Variants in SMAD3 observed in about 807,000 individuals in gnomAD.
SMAD3 encodes SMAD family member 3.
Under a neutral mutation model 51.8 loss-of-function variants are expected in SMAD3, and 12 were observed. The observed-to-expected ratio is 0.23, with a 90% CI of 0.15 to 0.38. The LOEUF (loss-of-function observed/expected upper bound fraction) is 0.38, where lower values mean the gene tolerates loss of function less well. Among genes scored for constraint, SMAD3 ranks in the 10% least tolerant of loss-of-function variants. The pLI is 1.00. For synonymous variants in SMAD3, 238 were observed against 227.7 expected, an observed-to-expected ratio of 1.05 and a Z score of -0.41; for missense variants, 294 against 565.6, an observed-to-expected ratio of 0.52 and a Z score of 4.87.
intron 1 of SMAD3, among the ~76,000 whole-genome samples, chr15:67,157,464 A>T (rs1962314175): frequency 6.6e-6 from 1 of 152,192 alleles, no homozygotes; most frequent in Admixed American, 6.5e-5. Flanking sequence ...GACCTTGGGC[A>T]AGCCTCCTGA....
At chr15:67,144,434 G>A (rs1006750202) in intron 1 of SMAD3, among the ~76,000 whole-genome samples, 1 of 152,092 alleles carries the variant, frequency 6.6e-6, no homozygotes, top group Admixed American at 6.5e-5. Context: ...TCCTGAAGTA[G>A]TATTTTGTTT....
intron 1 of SMAD3, among the ~76,000 whole-genome samples, chr15:67,118,541 T>C (rs979946895): frequency 6.6e-6 from 1 of 152,014 alleles, no homozygotes; most frequent in Admixed American, 6.6e-5. Context: ...TGAGGGGAGA[T>C]GTAAAGAGAT....
At chr15:67,182,997 AAAAATATATATATATAT>A (rs1438438091) in intron 6 of SMAD3, among the ~76,000 whole-genome samples, 3 of 57,202 alleles carry the variant, frequency 5.2e-5, no homozygotes, top group African/African-American at 2.4e-4. Flanking sequence ...AAAAAAAAAA[AAAAATATATATATATAT>A]ATATATATAT....
chr15:67,127,750 C>T (rs756478100), intron 1 of SMAD3, among the ~76,000 whole-genome samples: 3 of 152,114 alleles, frequency 2.0e-5, no homozygotes, highest in Non-Finnish European at 4.4e-5. Context: ...TCCTACTGTA[C>T]ACGCTTATGG....
At chr15:67,188,498 A>G (rs1417340665) in intron 8 of SMAD3, among the ~76,000 whole-genome samples, 1 of 151,876 alleles carries the variant, frequency 6.6e-6, no homozygotes, top group East Asian at 1.9e-4. Flanking sequence ...GCTTGGTTGA[A>G]TCTCTCAGGC....
At chr15:67,166,438 G>T in intron 3 of SMAD3, 1 of 444,628 alleles carries the variant, frequency 2.2e-6, no homozygotes, top group Non-Finnish European at 4.2e-6. Flanking sequence ...GGGGTGAGGC[G>T]GAGGCAAGTC....
intron 1 of SMAD3, among the ~76,000 whole-genome samples, chr15:67,142,199 A>AC (rs549870512): frequency 0.015 from 1,975 of 127,944 alleles, 43 homozygotes; most frequent in East Asian, 0.057. Flanking sequence ...TCCTCCCCAC[A>AC]CCCCCCCCAC....
At chr15:67,157,014 A>G (rs1595935640) in intron 1 of SMAD3, among the ~76,000 whole-genome samples, 1 of 152,274 alleles carries the variant, frequency 6.6e-6, no homozygotes, top group Admixed American at 6.5e-5. Flanking sequence ...GTGTGGCTGC[A>G]GAGAGGGGTG....
At chr15:67,103,817 G>A (rs1960816449) in intron 1 of SMAD3, among the ~76,000 whole-genome samples, 2 of 152,224 alleles carry the variant, frequency 1.3e-5, no homozygotes, top group Admixed American at 6.5e-5. Flanking sequence ...ATTACCGTGA[G>A]TGACCACCCT....
intron 1 of SMAD3, among the ~76,000 whole-genome samples, chr15:67,151,754 C>T (rs1310450769): frequency 6.6e-6 from 1 of 152,086 alleles, no homozygotes; most frequent in African/African-American, 2.4e-5. Context: ...ATATTAATGT[C>T]ATTATGGTGA....
chr15:67,154,367 A>G (rs1438124552), intron 1 of SMAD3, among the ~76,000 whole-genome samples: 1 of 152,216 alleles, frequency 6.6e-6, no homozygotes, highest in East Asian at 1.9e-4. Context: ...AAGGGTTATG[A>G]AATCCTGTTT....
intron 5 of SMAD3, among the ~76,000 whole-genome samples, chr15:67,176,297 A>AG (rs980502140): frequency 2.0e-4 from 30 of 152,030 alleles, no homozygotes; most frequent in African/African-American, 7.2e-4. Flanking sequence ...CCTGCAGAGG[A>AG]GGGGGATGGG....
chr15:67,104,349 T>TTGGGGAAGAGA (rs1960830596), intron 1 of SMAD3, among the ~76,000 whole-genome samples: 1 of 152,212 alleles, frequency 6.6e-6, no homozygotes, highest in South Asian at 2.1e-4. Flanking sequence ...GCAGGTTTGA[T>TTGGGGAAGAGA]CGGGGAAGAG....
intron 1 of SMAD3, among the ~76,000 whole-genome samples, chr15:67,105,295 CTGTT>C (rs942064948): frequency 5.3e-5 from 8 of 152,266 alleles, no homozygotes; most frequent in African/African-American, 1.4e-4. Context: ...GTAGCTGCCT[CTGTT>C]TGGTGGTGGG....
intron 5 of SMAD3, among the ~76,000 whole-genome samples, chr15:67,180,421 C>T (rs900516984): frequency 2.0e-5 from 3 of 151,964 alleles, no homozygotes; most frequent in East Asian, 1.9e-4. Context: ...GAAAGAGAAC[C>T]AGCCCCTTGT....
In SMAD3 at chr15:67,164,927, G is replaced by A. The variant is rs758823376; in HGVS notation, c.239G>A (p.Arg80Gln). Residue 80 changes from arginine to glutamine, a missense_variant, in exon 2 of 9, where the codon CGG (arginine) becomes CAG (glutamine). By Grantham distance (43) the Arg-to-Gln change is conservative. Coordinates refer to ENST00000327367, the MANE Select transcript of SMAD3 (RefSeq NM_005902.4). Reference protein sequence around the residue: ...SLDGRLQVSHRKGLPHVIYCR... With the variant: ...SLDGRLQVSHQKGLPHVIYCR... ...GATGGCCGGTTGCAGGTGTCCCATCGGAAGGGGCTCCCTCATGTCATCTAC... is the reference window on the plus strand; with the variant it reads ...GATGGCCGGTTGCAGGTGTCCCATCAGAAGGGGCTCCCTCATGTCATCTAC... The A allele has an allele frequency of 1.9e-6, 3 of 1,613,326 alleles. No homozygotes were observed. Among genetic ancestry groups the A allele is most frequent in the Admixed American group, 3.3e-5 (2 of 60,014 alleles).
In SMAD3 at chr15:67,071,812, A is replaced by AAAAT. The variant is rs1168413721; in HGVS notation, c.206+5469_206+5472dup. Among the ~76,000 whole-genome samples the AAAAT allele has an allele frequency of 7.9e-5, 12 of 152,192 alleles. No individual in the cohort carries two copies. In the South Asian group the frequency reaches 1.2e-3, roughly 16 times the overall value. On this transcript the variant is annotated intron_variant, in intron 1 of 8. Coordinates refer to ENST00000327367, the MANE Select transcript of SMAD3 (RefSeq NM_005902.4). ...GGGCGACAGAGCGAGACTCTGTCTC[A>AAAAT]AAATAAATAAATAAATAAATGAAAA...
intron 1 of SMAD3, among the ~76,000 whole-genome samples, chr15:67,094,794 A>G (rs921167334): frequency 5.7e-5 from 8 of 140,162 alleles, no homozygotes; most frequent in African/African-American, 2.2e-4. Flanking sequence ...TCCTGACTTG[A>G]TGTTCCAGAG....
chr15:67,137,885 T>C lies in SMAD3; in HGVS notation c.207-27010T>C, dbSNP rs1866318. 0.99 allele frequency: 615,194 copies of C among 621,338 alleles called. 304,791 individuals are homozygous for C. Among genetic ancestry groups the C allele is most frequent in the East Asian group, 1 (35,504 of 35,504 alleles). 38.5% of individuals were successfully genotyped at this position (621,338 alleles called of 1,614,324 possible). ...AGTACTGTCCTCCCTTTGGATTTCTTCTGTCTGGGTGTTGCCAGGGCTCTT... is the reference window on the plus strand; with the variant it reads ...AGTACTGTCCTCCCTTTGGATTTCTCCTGTCTGGGTGTTGCCAGGGCTCTT... On this transcript the variant is annotated intron_variant, in intron 1 of 8. Coordinates refer to ENST00000327367, the MANE Select transcript of SMAD3 (RefSeq NM_005902.4).
Sources: gnomAD v4.1 joint callset for allele counts (sites outside exome capture counted in the v4.1 genomes callset) on GRCh38, gnomAD v4.1.1 for gene constraint, MANE v1.5 for transcripts, NCBI Gene and HGNC (gene_info 2026-07-23, HGNC 2026-07-21) for gene names.